The following HSPA4 variants were observed in gnomAD, a reference collection of about 807,000 sequenced individuals.
The protein encoded by HSPA4 is heat shock 70 kDa protein 4.
A neutral mutation model predicts 106.2 loss-of-function variants in HSPA4; 25 were observed. The observed-to-expected ratio is 0.24, with a 90% CI of 0.17 to 0.33. HSPA4 has a LOEUF of 0.33. Among genes scored for constraint, HSPA4 ranks in the 10% least tolerant of loss-of-function variants. The pLI is 1.00. For synonymous variants in HSPA4, 332 were observed against 333.6 expected (o/e 1.00, Z 0.05); for missense variants, 841 against 996.0 (o/e 0.84, Z 2.10).
At chr5:133,078,421 G>GGT (rs142645061) in intron 7 of HSPA4, among the ~76,000 whole-genome samples, 4,210 of 152,046 alleles carry the variant, frequency 0.028, 79 homozygotes, top group Non-Finnish European at 0.041. Flanking sequence ...CATCACTTGA[G>GGT]GTTAGGAGTT....
chr5:133,086,712 C>A, intron 7 of HSPA4, 70 bp from the exon 8 acceptor site: 1 of 1,036,504 alleles, frequency 9.6e-7, no homozygotes, highest in Non-Finnish European at 1.5e-6. Flanking sequence ...TTATTATAGC[C>A]ATCCATTCCA....
intron 1 of HSPA4, among the ~76,000 whole-genome samples, chr5:133,053,328 C>CTTTTTTTTTTT (rs58722769): frequency 3.9e-4 from 50 of 129,234 alleles, no homozygotes; most frequent in Non-Finnish European, 4.6e-4. Flanking sequence ...GGTCTCTCTT[C>CTTTTTTTTTTT]TTTTTTTTTT....
rs1294832224 is a variant in HSPA4 at position 133,088,496 on chromosome 5, A to G, written c.1078A>G (p.Lys360Glu). The change falls in exon 9 of 19, where the codon AAA (lysine) becomes GAA (glutamate). Residue 360 changes from lysine (K) to glutamate (E), a missense_variant. Physicochemically the swap from Lys to Glu is moderately conservative, Grantham distance 56. Transcript: ENST00000304858. ...VKEKISKFFG[K>E]ELSTTLNADE... ...AGAGAAGATCAGCAAATTTTTCGGTAAAGAACTTAGTACAACATTAAATGC... is the reference window on the plus strand; with the variant it reads ...AGAGAAGATCAGCAAATTTTTCGGTGAAGAACTTAGTACAACATTAAATGC... 2 of 1,613,860 alleles carry G rather than the reference A, an allele frequency of 1.2e-6. No individual in the cohort carries two copies. The highest frequency in any genetic ancestry group is 1.1e-5 in the South Asian group (1 of 91,084).
intron 14 of HSPA4, 97 bp from the exon 15 acceptor site, chr5:133,097,064 T>C: frequency 1.1e-6 from 1 of 940,838 alleles, no homozygotes; most frequent in Non-Finnish European, 1.6e-6. Flanking sequence ...CTAAAAGGAT[T>C]TGGGGAAGAA....
intron 13 of HSPA4, among the ~76,000 whole-genome samples, chr5:133,094,275 T>C (rs933521376): frequency 1.3e-5 from 2 of 152,210 alleles, no homozygotes; most frequent in African/African-American, 4.8e-5. Flanking sequence ...AAAATTACAA[T>C]GTATAATCTC....
rs570959124 is a variant in HSPA4, at chr5:133,093,481, T to C, written c.1650+692T>C. Among the ~76,000 whole-genome samples the C allele has an allele frequency of 3.4e-4, 52 of 152,184 alleles. No homozygotes were observed. The East Asian group carries it at 0.01, about 30-fold the overall frequency. ...TTCAAAATCATCAATGATCCATGCC[T>C]TTTACTTTTTAATCTTTTTATTTTT... On this transcript the variant is annotated intron_variant, in intron 13 of 18. Transcript: ENST00000304858.
chr5:133,088,365 C>A, intron 8 of HSPA4, 39 bp from the exon 9 acceptor site: 1 of 1,414,810 alleles, frequency 7.1e-7, no homozygotes, highest in South Asian at 1.2e-5. Flanking sequence ...ATTGTTCTTT[C>A]ATTTCATTAA....
At chr5:133,077,307 C>G (rs1269341775) in intron 7 of HSPA4, among the ~76,000 whole-genome samples, 1 of 152,050 alleles carries the variant, frequency 6.6e-6, no homozygotes, top group Non-Finnish European at 1.5e-5. Flanking sequence ...GGCACAATCT[C>G]AACTCACTGC....
chr5:133,073,225 T>C lies in HSPA4; in HGVS notation c.430-5T>C, dbSNP rs375412369. ...TACAGTAAGCATTCTTTTTTTTTTT[T>C]GTAGGTTCCTTGTTTCTATACTGAT... On this transcript the variant is annotated splice_region_variant and splice_polypyrimidine_tract_variant and intron_variant, in intron 4 of 18. Coordinates refer to ENST00000304858, the MANE Select transcript of HSPA4 (RefSeq NM_002154.4). 1.2e-5 allele frequency: 19 copies of C among 1,553,546 alleles called. No homozygotes were observed. Among genetic ancestry groups the C allele is most frequent in the Non-Finnish European group, 1.7e-5 (19 of 1,144,412 alleles).
intron 7 of HSPA4, among the ~76,000 whole-genome samples, chr5:133,078,469 T>TATAG (rs1053106800): frequency 4.0e-5 from 6 of 151,052 alleles, no homozygotes; most frequent in African/African-American, 1.5e-4. Context: ...ACTCTTTCTC[T>TATAG]ACTAAAAATA....
chr5:133,056,981 TATTA>T (rs199764949), intron 1 of HSPA4, among the ~76,000 whole-genome samples: 2,286 of 152,312 alleles, frequency 0.015, 26 homozygotes, highest in Middle Eastern at 0.037. Context: ...TTGTATTTTT[TATTA>T]ATTTTTTATG....
chr5:133,080,438 A>AAC (rs1470973538), intron 7 of HSPA4, among the ~76,000 whole-genome samples: 3 of 150,830 alleles, frequency 2.0e-5, no homozygotes, highest in Admixed American at 6.6e-5. Flanking sequence ...AAAAAAAAAA[A>AAC]AAACCCAATA....
In HSPA4 at chr5:133,054,180, A is replaced by G. The variant is rs1158463882; in HGVS notation, c.107+1823A>G. 5.9e-5 allele frequency among the ~76,000 whole-genome samples: 9 copies of G among 152,012 alleles called. No homozygotes were observed. The East Asian group carries it at 1.5e-3, about 26-fold the overall frequency. ...CCCTTTGCTGAGTTTAGTCTTGTTAACAGCCCTATTAAGGTTTATTTATTT... is the reference window on the plus strand; with the variant it reads ...CCCTTTGCTGAGTTTAGTCTTGTTAGCAGCCCTATTAAGGTTTATTTATTT... On this transcript the variant is annotated intron_variant, in intron 1 of 18. Coordinates refer to ENST00000304858, the MANE Select transcript of HSPA4 (RefSeq NM_002154.4).
intron 1 of HSPA4, 85 bp from the exon 2 acceptor site, chr5:133,064,895 G>A (rs1765288905): frequency 9.0e-7 from 1 of 1,112,556 alleles, no homozygotes; most frequent in African/African-American, 1.6e-5. Flanking sequence ...TGGCATTTTA[G>A]CTGATACTCA....
chr5:133,105,623 G>GT lies in HSPA4; in HGVS notation c.*1190dup, dbSNP rs1170448929. The GT allele has an allele frequency of 1.3e-5, 2 of 152,234 alleles. No individual in the cohort carries two copies. Among genetic ancestry groups the GT allele is most frequent in the Non-Finnish European group, 1.5e-5 (1 of 68,042 alleles). 9.4% of individuals were successfully genotyped at this position (152,234 alleles called of 1,614,324 possible). A position where few individuals can be genotyped will look rare whatever the true frequency, so the allele number is the denominator to read the frequency against. On this transcript the variant is annotated 3_prime_UTR_variant, in exon 19 of 19. Transcript: ENST00000304858. ...TTTGGAAACTCCAAGGGAAGCCTGT[G>GT]TTTGAGGCCAGAGTTGGTACCTGCT...
chr5:133,078,292 A>T lies in HSPA4; in HGVS notation c.908+1394A>T, dbSNP rs1358896386. On this transcript the variant is annotated intron_variant, in intron 7 of 18. Coordinates refer to ENST00000304858, the MANE Select transcript of HSPA4 (RefSeq NM_002154.4). ...GCTTGCAGTGAGCTGAGATCGCACC[A>T]CTGCACTCCAGCCTGGGCGACAGTG... Among the ~76,000 whole-genome samples, 19 of 151,034 alleles carry T rather than the reference A, an allele frequency of 1.3e-4. 1 individual carries two copies.
chr5:133,094,981 T>C (rs1270910011), intron 13 of HSPA4, among the ~76,000 whole-genome samples: 1 of 152,176 alleles, frequency 6.6e-6, no homozygotes, highest in Non-Finnish European at 1.5e-5. Context: ...TGGATAGATT[T>C]GACAGTCAAA....
intron 15 of HSPA4, among the ~76,000 whole-genome samples, chr5:133,097,911 G>GTTTTTTTT: frequency 7.1e-6 from 1 of 141,500 alleles, no homozygotes. Flanking sequence ...AGAATTTTTA[G>GTTTTTTTT]TTTTTTTTTT....
intron 1 of HSPA4, among the ~76,000 whole-genome samples, chr5:133,064,255 C>T (rs1765280773): frequency 6.6e-6 from 1 of 152,198 alleles, no homozygotes; most frequent in Non-Finnish European, 1.5e-5. Context: ...CCTATAACGT[C>T]AGCATTTTGG....
Sources: allele counts gnomAD v4.1 joint callset (sites outside exome capture counted in the v4.1 genomes callset), GRCh38; gene constraint gnomAD v4.1.1; transcripts MANE v1.5; gene names NCBI Gene and HGNC (gene_info 2026-07-23, HGNC 2026-07-21).